Variants in COL8A1 observed in about 807,000 individuals in gnomAD.
The protein encoded by COL8A1 is collagen alpha-1(VIII) chain.
Under a neutral mutation model 42.7 loss-of-function variants are expected in COL8A1, and 21 were observed. The ratio of observed to expected loss-of-function variants is 0.49; its 90% CI spans 0.35 to 0.71. The LOEUF is 0.71. Ranked by LOEUF, COL8A1 falls within the 30% of genes least tolerant of loss-of-function variation. The pLI, the probability that COL8A1 is intolerant of heterozygous loss-of-function variation, is 0.01. For missense variants in COL8A1, 788 were observed against 962.4 expected (o/e 0.82, Z 2.40); for synonymous variants, 367 against 369.1 (o/e 0.99, Z 0.06).
At position 99,752,043 on chromosome 3, in the gene COL8A1, G is replaced by A. The variant is rs1324639023; in HGVS notation, c.-4+7022G>A. Among the ~76,000 whole-genome samples, 3 of 152,110 alleles carry A rather than the reference G, an allele frequency of 2.0e-5. No individual in the cohort carries two copies. The South Asian group carries it at 6.2e-4, about 32-fold the overall frequency. ...TGATTTAATGCATTTATGAAAATATGCTTATAATAAAATTATATATATTAA... is the reference window on the plus strand; with the variant it reads ...TGATTTAATGCATTTATGAAAATATACTTATAATAAAATTATATATATTAA... On this transcript the variant is annotated intron_variant, in intron 2 of 3. Transcript: ENST00000652472.
Position 99,790,730 on chromosome 3 carries a change from C to T in COL8A1, c.48C>T (p.Thr16=). Residue 16 remains threonine (T), a synonymous_variant, in exon 3 of 4, where the codon ACC becomes ACT. Coordinates refer to ENST00000652472, the MANE Select transcript of COL8A1 (RefSeq NM_020351.4). ...TGCAGCTGCTGGGAGTGCTGCTTAC[C>T]ATTTCCCTGAGTTCCATCAGGCTCA... The part of the protein sequence containing the change: ...GPLQLLGVLL[T]ISLSSIRLIQ... 1 of 1,614,150 alleles carries T rather than the reference C, an allele frequency of 6.2e-7. No homozygotes were observed. The highest frequency in any genetic ancestry group is 8.5e-7 in the Non-Finnish European group (1 of 1,180,040).
At chr3:99,679,094 A>C (rs1938788139) in intron 1 of COL8A1, 1 of 152,228 alleles carries the variant, frequency 6.6e-6, no homozygotes, top group Admixed American at 6.5e-5. Context: ...ATTTCACTAA[A>C]GCTTTCAGAG....
At chr3:99,703,812 A>C (rs530460040) in intron 1 of COL8A1, among the ~76,000 whole-genome samples, 93 of 152,324 alleles carry the variant, frequency 6.1e-4, no homozygotes, top group African/African-American at 2.1e-3. Context: ...GATATTACCC[A>C]TTCAAGATTT....
At position 99,797,918 on chromosome 3, in the gene COL8A1, CAAA is replaced by C. The variant is rs1942132313; in HGVS notation, c.*1783_*1785del. On this transcript the variant is annotated 3_prime_UTR_variant, in exon 4 of 4. Transcript: ENST00000652472. ...GCTTTGGGCATTCTAATCTGGTCTC[CAAA>C]CACCAAAGACCCATTTCGAGCCTGC... 1 of 152,160 alleles carries C rather than the reference CAAA, an allele frequency of 6.6e-6. No homozygotes were observed. The highest frequency in any genetic ancestry group is 1.5e-5 in the Non-Finnish European group (1 of 68,036). The allele number at this position is 152,160 out of a possible 1,614,324, so 9.4% of individuals were successfully genotyped here. A position where few individuals can be genotyped will look rare whatever the true frequency, so the allele number is the denominator to read the frequency against.
In COL8A1 at chr3:99,790,781, C is replaced by T. The variant is rs978093027; in HGVS notation, c.99C>T (p.Ile33=). The T allele has an allele frequency of 2.5e-6, 4 of 1,614,194 alleles. No individual in the cohort carries two copies. Among genetic ancestry groups the T allele is most frequent in the Non-Finnish European group, 3.4e-6 (4 of 1,180,044 alleles). Residue 33 remains isoleucine, a synonymous_variant, in exon 3 of 4, where the codon ATC becomes ATT. Transcript: ENST00000652472. ...TTCAGGCTGGTGCCTACTATGGGAT[C>T]AAGCCGCTGCCACCTCAAATTCCTC... ...RLIQAGAYYG[I]KPLPPQIPPQ...
chr3:99,748,066 C>T (rs183818050), intron 2 of COL8A1, among the ~76,000 whole-genome samples: 16 of 152,270 alleles, frequency 1.1e-4, no homozygotes, highest in Non-Finnish European at 8.8e-5. Context: ...TAATCTTCCC[C>T]GCAGCTTCCT....
chr3:99,678,626 C>T (rs1938773217), intron 1 of COL8A1: 1 of 137,342 alleles, frequency 7.3e-6, no homozygotes, highest in Admixed American at 7.3e-5. Flanking sequence ...ACTATGCTGC[C>T]TCTCAAGACT....
At chr3:99,693,663 A>T (rs751644713) in intron 1 of COL8A1, among the ~76,000 whole-genome samples, 3 of 152,278 alleles carry the variant, frequency 2.0e-5, no homozygotes, top group Non-Finnish European at 4.4e-5. Context: ...TTATTTTAAA[A>T]GACTCAAAAC....
intron 1 of COL8A1, among the ~76,000 whole-genome samples, chr3:99,644,451 G>A (rs2107281989): frequency 6.6e-6 from 1 of 152,276 alleles, no homozygotes; most frequent in African/African-American, 2.4e-5. Context: ...AAGTGACGAA[G>A]GCAGGAAAGA....
chr3:99,758,647 A>G (rs887207587), intron 2 of COL8A1, among the ~76,000 whole-genome samples: 2 of 152,178 alleles, frequency 1.3e-5, no homozygotes, highest in African/African-American at 4.8e-5. Flanking sequence ...CCACTCCCCA[A>G]GCCTTTCTAA....
In COL8A1 at chr3:99,643,206, G is replaced by A. The variant is rs577150039; in HGVS notation, c.-129+4542G>A. Among the ~76,000 whole-genome samples, 7 of 152,226 alleles carry A rather than the reference G, an allele frequency of 4.6e-5. No homozygotes were observed. The East Asian group carries it at 1.4e-3, about 29-fold the overall frequency. ...GCTCCTCGTATAATGTGAATCTAAGGTGTCTTTGACTATGCTGAGCATTCC... is the reference window on the plus strand; with the variant it reads ...GCTCCTCGTATAATGTGAATCTAAGATGTCTTTGACTATGCTGAGCATTCC... On this transcript the variant is annotated intron_variant, in intron 1 of 3. Transcript: ENST00000652472.
At chr3:99,664,476 G>T in intron 1 of COL8A1, among the ~76,000 whole-genome samples, 1 of 138,014 alleles carries the variant, frequency 7.2e-6, no homozygotes, top group African/African-American at 2.5e-5. Flanking sequence ...AAAACTTAAA[G>T]TATAATAAAA....
At chr3:99,665,146 G>A (rs190040444) in intron 1 of COL8A1, among the ~76,000 whole-genome samples, 5 of 152,340 alleles carry the variant, frequency 3.3e-5, no homozygotes, top group African/African-American at 1.2e-4. Context: ...CCAAGGAGCA[G>A]GTGCCAGGCT....
chr3:99,734,789 AT>A (rs1369176121), intron 1 of COL8A1, among the ~76,000 whole-genome samples: 2 of 152,040 alleles, frequency 1.3e-5, no homozygotes, highest in Admixed American at 6.6e-5. Flanking sequence ...TGAGCATGGA[AT>A]GTTCTTCCAT....
chr3:99,768,633 C>A (rs1941516740), intron 2 of COL8A1, among the ~76,000 whole-genome samples: 1 of 152,206 alleles, frequency 6.6e-6, no homozygotes, highest in South Asian at 2.1e-4. Flanking sequence ...AGTCAGAATT[C>A]TCAGTAAACA....
chr3:99,767,616 A>G (rs1941488574), intron 2 of COL8A1, among the ~76,000 whole-genome samples: 1 of 152,178 alleles, frequency 6.6e-6, no homozygotes, highest in African/African-American at 2.4e-5. Flanking sequence ...CATTTCTTTC[A>G]TAAAGTCACA....
intron 1 of COL8A1, among the ~76,000 whole-genome samples, chr3:99,736,363 A>G (rs1441270432): frequency 6.6e-6 from 1 of 151,592 alleles, no homozygotes; most frequent in Non-Finnish European, 1.5e-5. Flanking sequence ...CTTTGTTCTC[A>G]TTGGTTTCAA....
chr3:99,723,395 AT>A (rs1940211323), intron 1 of COL8A1, among the ~76,000 whole-genome samples: 1 of 152,102 alleles, frequency 6.6e-6, no homozygotes, highest in Admixed American at 6.6e-5. Flanking sequence ...GTTCCTGACA[AT>A]GCTCAGGATG....
chr3:99,744,041 G>C (rs976261476), intron 1 of COL8A1, among the ~76,000 whole-genome samples: 2 of 151,204 alleles, frequency 1.3e-5, no homozygotes, highest in African/African-American at 4.9e-5. Flanking sequence ...CCATTCTCCT[G>C]CCTCAGCCTC....
Sources: gnomAD v4.1 joint callset for allele counts (sites outside exome capture counted in the v4.1 genomes callset) on GRCh38, gnomAD v4.1.1 for gene constraint, MANE v1.5 for transcripts, NCBI Gene and HGNC (gene_info 2026-07-23, HGNC 2026-07-21) for gene names.